The following GALNT13 variants were observed in gnomAD, a reference collection of about 807,000 sequenced individuals.
GALNT13 encodes the protein polypeptide N-acetylgalactosaminyltransferase 13, also known as UDP-GalNAc:polypeptide N-acetylgalactosaminyltransferase 13.
A neutral mutation model predicts 64.2 loss-of-function variants in GALNT13; 28 were observed. The observed-to-expected ratio is 0.44, with a 90% CI of 0.32 to 0.60. GALNT13 has a LOEUF of 0.60. Among genes scored for constraint, GALNT13 ranks in the 20% least tolerant of loss-of-function variants. The probability of loss-of-function intolerance (pLI) is 0.05; values close to 1 mark genes in which losing one functional copy is unlikely to be tolerated. For missense variants in GALNT13, 577 were observed against 669.8 expected (o/e 0.86, Z 1.53); for synonymous variants, 214 against 224.6 (o/e 0.95, Z 0.42).
At chr2:153,747,613 A>G in the GALNT13 span, among the ~76,000 whole-genome samples, 2 of 151,728 alleles carry the variant, frequency 1.3e-5, no homozygotes, top group African/African-American at 2.4e-5. Context: ...TTTTTAGTAG[A>G]GACAGGGTTT....
intron 3 of GALNT13, among the ~76,000 whole-genome samples, chr2:154,030,161 G>GA (rs34914347): frequency 0.39 from 59,195 of 151,710 alleles, 14,587 homozygotes; most frequent in Non-Finnish European, 0.55. Flanking sequence ...GATTTAATGA[G>GA]AAAAAAATCA....
chr2:153,512,465 C>A, the GALNT13 span, among the ~76,000 whole-genome samples: 1 of 152,124 alleles, frequency 6.6e-6, no homozygotes, highest in Admixed American at 6.5e-5. Flanking sequence ...TCATTGACAG[C>A]AGCAATATGT....
the GALNT13 span, among the ~76,000 whole-genome samples, chr2:153,658,703 G>A: frequency 2.0e-5 from 3 of 151,568 alleles, no homozygotes; most frequent in Non-Finnish European, 4.4e-5. Flanking sequence ...AAGTCATTTG[G>A]AGATTACATA....
chr2:153,314,023 C>T, the GALNT13 span, among the ~76,000 whole-genome samples: 6 of 151,838 alleles, frequency 4.0e-5, no homozygotes, highest in Non-Finnish European at 8.8e-5. Flanking sequence ...TATAGCAGCA[C>T]TAATGAACTA....
the GALNT13 span, among the ~76,000 whole-genome samples, chr2:153,194,091 A>G: frequency 4.1e-3 from 625 of 152,248 alleles, 2 homozygotes; most frequent in Non-Finnish European, 7.1e-3. Flanking sequence ...GTACTTTTAT[A>G]TATTTAAGGA....
chr2:153,380,052 G>A, the GALNT13 span, among the ~76,000 whole-genome samples: 1 of 152,076 alleles, frequency 6.6e-6, no homozygotes, highest in African/African-American at 2.4e-5. Flanking sequence ...AGTGGAGGTG[G>A]AGCAGGACTC....
intron 4 of GALNT13, among the ~76,000 whole-genome samples, chr2:154,219,373 A>G (rs1688209508): frequency 6.6e-6 from 1 of 152,060 alleles, no homozygotes; most frequent in Non-Finnish European, 1.5e-5. Context: ...TAGAGTCAAG[A>G]TTTGAATTCA....
chr2:153,093,478 A>G, the GALNT13 span, among the ~76,000 whole-genome samples: 2 of 151,838 alleles, frequency 1.3e-5, no homozygotes, highest in South Asian at 2.1e-4. Flanking sequence ...AGCTCAGGCA[A>G]TCCACCCGCC....
At chr2:153,682,356 C>T in the GALNT13 span, among the ~76,000 whole-genome samples, 4 of 151,580 alleles carry the variant, frequency 2.6e-5, no homozygotes, top group African/African-American at 7.3e-5. Flanking sequence ...ACTGTCATTC[C>T]CCTATCATGT....
chr2:153,147,978 C>T, the GALNT13 span, among the ~76,000 whole-genome samples: 15 of 151,812 alleles, frequency 9.9e-5, no homozygotes, highest in South Asian at 4.1e-4. Context: ...CTCTGAGTTA[C>T]GGCAAAACAA....
At chr2:153,680,856 A>G in the GALNT13 span, among the ~76,000 whole-genome samples, 26 of 151,916 alleles carry the variant, frequency 1.7e-4, no homozygotes, top group Non-Finnish European at 2.9e-4. Context: ...TATTTTCACC[A>G]TGAGTTCACA....
At chr2:154,018,398 T>G (rs1388343423) in intron 3 of GALNT13, among the ~76,000 whole-genome samples, 1 of 152,146 alleles carries the variant, frequency 6.6e-6, no homozygotes, top group Non-Finnish European at 1.5e-5. Flanking sequence ...CCAATAAGAT[T>G]CTCTCAGAAT....
At chr2:154,008,432 T>A (rs1034434042) in intron 3 of GALNT13, among the ~76,000 whole-genome samples, 11 of 152,208 alleles carry the variant, frequency 7.2e-5, no homozygotes, top group African/African-American at 1.4e-4. Context: ...TTTTATTTTT[T>A]AAAATCTTTC....
At chr2:154,222,130 C>T (rs1179472932) in intron 4 of GALNT13, among the ~76,000 whole-genome samples, 1 of 152,038 alleles carries the variant, frequency 6.6e-6, no homozygotes, top group African/African-American at 2.4e-5. Context: ...TTTCTGCCTG[C>T]TCTTTTTGCA....
At chr2:154,341,505 A>G (rs1474010474) in intron 9 of GALNT13, among the ~76,000 whole-genome samples, 1 of 152,126 alleles carries the variant, frequency 6.6e-6, no homozygotes, top group African/African-American at 2.4e-5. Context: ...TTACAAAAAA[A>G]GATAGTATAT....
chr2:153,426,844 C>A, the GALNT13 span, among the ~76,000 whole-genome samples: 1 of 151,674 alleles, frequency 6.6e-6, no homozygotes, highest in African/African-American at 2.4e-5. Flanking sequence ...TTATAGTAGG[C>A]TACATTGTGA....
intron 4 of GALNT13, among the ~76,000 whole-genome samples, chr2:154,197,402 G>A (rs1026503978): frequency 3.9e-5 from 6 of 152,066 alleles, no homozygotes. Flanking sequence ...ACCACGCATT[G>A]TATTCCAGGT....
the GALNT13 span, among the ~76,000 whole-genome samples, chr2:153,093,846 A>G: frequency 6.6e-6 from 1 of 151,924 alleles, no homozygotes; most frequent in African/African-American, 2.4e-5. Context: ...TATAACTTCA[A>G]TTTCATTACT....
At chr2:153,746,155 A>T in the GALNT13 span, among the ~76,000 whole-genome samples, 2 of 152,210 alleles carry the variant, frequency 1.3e-5, no homozygotes, top group Non-Finnish European at 2.9e-5. Context: ...CATGCATAGC[A>T]GTACAAATAT....
Sources: allele counts gnomAD v4.1 joint callset (sites outside exome capture counted in the v4.1 genomes callset), GRCh38; gene constraint gnomAD v4.1.1; transcripts MANE v1.5; gene names NCBI Gene and HGNC (gene_info 2026-07-23, HGNC 2026-07-21).